The following SKAP1 variants were observed in gnomAD, a reference collection of about 807,000 sequenced individuals.
SKAP1 encodes the protein src kinase associated phosphoprotein 1.
In SKAP1, 44 loss-of-function variants were observed where a neutral mutation model predicts 58.5. The observed-to-expected ratio is 0.75, with a 90% CI of 0.59 to 0.97. The LOEUF (loss-of-function observed/expected upper bound fraction) is 0.97, where lower values mean the gene tolerates loss of function less well. Ranked by LOEUF, SKAP1 falls within the 50% of genes least tolerant of loss-of-function variation. The pLI is 0.00. For missense variants in SKAP1, 390 were observed against 435.2 expected (o/e 0.90, Z 0.92); for synonymous variants, 127 against 149.7 (o/e 0.85, Z 1.11).
chr17:48,370,503 A>G (rs1041027818), intron 2 of SKAP1, among the ~76,000 whole-genome samples: 4 of 152,020 alleles, frequency 2.6e-5, no homozygotes, highest in African/African-American at 7.2e-5. Flanking sequence ...AGGTTTCTCA[A>G]TGTTGCCCTA....
intron 4 of SKAP1, among the ~76,000 whole-genome samples, chr17:48,275,289 C>A (rs2065685022): frequency 6.6e-6 from 1 of 152,220 alleles, no homozygotes; most frequent in South Asian, 2.1e-4. Flanking sequence ...TCTCTCTGAT[C>A]TCCCTGCAGT....
At chr17:48,402,326 T>C (rs941535825) in intron 1 of SKAP1, among the ~76,000 whole-genome samples, 1 of 146,216 alleles carries the variant, frequency 6.8e-6, no homozygotes, top group Non-Finnish European at 1.5e-5. Context: ...CAAATATTCA[T>C]AGCAGCATTT....
intron 4 of SKAP1, among the ~76,000 whole-genome samples, chr17:48,261,556 G>C (rs759347563): frequency 1.3e-5 from 2 of 152,130 alleles, no homozygotes; most frequent in African/African-American, 2.4e-5. Context: ...CATTGTCCTG[G>C]TGACCTTTTA....
chr17:48,432,294 T>C (rs1024405477), upstream of SKAP1, among the ~76,000 whole-genome samples: 1 of 152,108 alleles, frequency 6.6e-6, no homozygotes, highest in Non-Finnish European at 1.5e-5. Context: ...CTGGGCATGG[T>C]GGTGCACGCC....
At chr17:48,271,120 C>T (rs1219264138) in intron 4 of SKAP1, among the ~76,000 whole-genome samples, 1 of 152,028 alleles carries the variant, frequency 6.6e-6, no homozygotes, top group Non-Finnish European at 1.5e-5. Flanking sequence ...CTATTACACA[C>T]CTCTCTATTT....
At chr17:48,398,934 T>A (rs542189828) in intron 1 of SKAP1, among the ~76,000 whole-genome samples, 1 of 152,178 alleles carries the variant, frequency 6.6e-6, no homozygotes, top group East Asian at 1.9e-4. Flanking sequence ...GGCAGGAGAA[T>A]CACTTGAACC....
chr17:48,426,773 T>A (rs1388494781), intron 1 of SKAP1, among the ~76,000 whole-genome samples: 1 of 152,168 alleles, frequency 6.6e-6, no homozygotes. Context: ...ACAGAGTCTA[T>A]CTAAAGAAGC....
intron 4 of SKAP1, among the ~76,000 whole-genome samples, chr17:48,198,430 G>A (rs888189842): frequency 8.0e-6 from 1 of 125,178 alleles, no homozygotes; most frequent in Admixed American, 1.1e-4. Flanking sequence ...ACTCCAACCT[G>A]GGAGACACAG....
In SKAP1 at chr17:48,407,927, A is replaced by AG. The variant is rs1003438698; in HGVS notation, c.47-11143dup. On this transcript the variant is annotated intron_variant, in intron 1 of 12. Transcript: ENST00000336915. The stretch of plus-strand genomic sequence containing the variant: ...AAGTGTAAGAGCTGGAATTTTTCAG[A>AG]GGGGGGGGAATCCAGTAAATGATAA... 4.5e-4 allele frequency among the ~76,000 whole-genome samples: 68 copies of AG among 151,660 alleles called. No individual in the cohort carries two copies. In the East Asian group the frequency reaches 5.0e-3, roughly 11 times the overall value.
intron 4 of SKAP1, among the ~76,000 whole-genome samples, chr17:48,280,062 A>G (rs1420521530): frequency 6.6e-6 from 1 of 152,244 alleles, no homozygotes; most frequent in African/African-American, 2.4e-5. Context: ...AAAATGATCT[A>G]AAGCAATAAT....
In SKAP1 at chr17:48,365,160, T is replaced by C. The variant is rs1027827674; in HGVS notation, c.153-1346A>G. On this transcript the variant is annotated intron_variant, in intron 2 of 12. Transcript: ENST00000336915. ...TTGTTTTGTAGCGATGGGGTCTCAC[T>C]TTGTTGCCCAGGCTGGGGCTTAAGC... Among the ~76,000 whole-genome samples, 30 of 152,298 alleles carry C rather than the reference T, an allele frequency of 2.0e-4. 1 individual carries two copies. The highest frequency in any genetic ancestry group is 1.8e-3 in the Admixed American group (27 of 15,288).
intron 4 of SKAP1, among the ~76,000 whole-genome samples, chr17:48,306,355 T>A (rs183205825): frequency 6.6e-6 from 1 of 152,358 alleles, no homozygotes; most frequent in East Asian, 1.9e-4. Context: ...ACACCTAGAA[T>A]GTCTACTTAG....
At chr17:48,408,410 C>A (rs1030585035) in intron 1 of SKAP1, among the ~76,000 whole-genome samples, 1 of 151,960 alleles carries the variant, frequency 6.6e-6, no homozygotes, top group Admixed American at 6.6e-5. Flanking sequence ...ATAAATAATT[C>A]TCATTCTATA....
At chr17:48,209,511 T>C (rs939172208) in intron 4 of SKAP1, among the ~76,000 whole-genome samples, 2 of 152,216 alleles carry the variant, frequency 1.3e-5, no homozygotes, top group Non-Finnish European at 2.9e-5. Flanking sequence ...TTAGACTGAC[T>C]GTGCCTGTGC....
rs2063766135 is a variant in SKAP1, at chr17:48,141,374, G to GTTTTTA, written c.979-4038_979-4037insTAAAAA. On this transcript the variant is annotated intron_variant, in intron 11 of 12. Transcript: ENST00000336915. The stretch of plus-strand genomic sequence containing the variant: ...GGTTCCCAATGCCCCTTGTTAACTG[G>GTTTTTA]TTTTTGTTTTTGTTTTTGTTTTTTT... 4.1e-4 allele frequency among the ~76,000 whole-genome samples: 3 copies of GTTTTTA among 7,406 alleles called. No individual in the cohort carries two copies. The African/African-American group carries it at 0.021, about 51-fold the overall frequency. 4.9% of individuals were successfully genotyped at this position (7,406 alleles called of 152,430 possible). A position where few individuals can be genotyped will look rare whatever the true frequency, so the allele number is the denominator to read the frequency against.
At chr17:48,313,310 T>C (rs1436239576) in intron 4 of SKAP1, among the ~76,000 whole-genome samples, 1 of 152,160 alleles carries the variant, frequency 6.6e-6, no homozygotes, top group South Asian at 2.1e-4. Context: ...ATATAATCAT[T>C]GATTTGACCT....
intron 4 of SKAP1, among the ~76,000 whole-genome samples, chr17:48,257,699 C>G (rs1167861922): frequency 1.4e-5 from 2 of 139,932 alleles, no homozygotes; most frequent in African/African-American, 5.4e-5. Flanking sequence ...GAGGGTCTCT[C>G]ACACTGCTCA....
At position 48,170,607 on chromosome 17, in the gene SKAP1, AC is replaced by A; in HGVS notation, c.877+1del. On this transcript the variant is annotated splice_donor_variant, in intron 10 of 12. Transcript: ENST00000336915. LOFTEE classifies it high-confidence loss of function. Reference sequence around the variant, plus strand: ...TGCCTGTGCATTTAGAAGCTCTTATACCTCCTTTTCGTCGAGTGCCACTCTC... The same window carrying A: ...TGCCTGTGCATTTAGAAGCTCTTATACTCCTTTTCGTCGAGTGCCACTCTC... 1 of 1,612,486 alleles carries A rather than the reference AC, an allele frequency of 6.2e-7. No homozygotes were observed. Among genetic ancestry groups the A allele is most frequent in the South Asian group, 1.1e-5 (1 of 90,998 alleles).
chr17:48,320,947 A>C (rs1316461890), intron 4 of SKAP1, among the ~76,000 whole-genome samples: 1 of 152,282 alleles, frequency 6.6e-6, no homozygotes, highest in Admixed American at 6.5e-5. Flanking sequence ...GTGGAAATCT[A>C]TGCTTCCAGG....
Sources: allele counts gnomAD v4.1 joint callset (sites outside exome capture counted in the v4.1 genomes callset), GRCh38; gene constraint gnomAD v4.1.1; transcripts MANE v1.5; gene names NCBI Gene and HGNC (gene_info 2026-07-23, HGNC 2026-07-21).